The following ITGB8 variants were observed in gnomAD, a reference collection of about 807,000 sequenced individuals.
The protein encoded by ITGB8 is integrin beta-8.
Under a neutral mutation model 89.5 loss-of-function variants are expected in ITGB8, and 30 were observed. The ratio of observed to expected loss-of-function variants is 0.34; its 90% CI spans 0.25 to 0.45. The LOEUF is 0.45. Ranked by LOEUF, ITGB8 falls within the 20% of genes least tolerant of loss-of-function variation. The pLI, the probability that ITGB8 is intolerant of heterozygous loss-of-function variation, is 1.00. For synonymous variants in ITGB8, 335 were observed against 320.4 expected, an observed-to-expected ratio of 1.05 and a Z score of -0.49; for missense variants, 836 against 933.3, an observed-to-expected ratio of 0.90 and a Z score of 1.36.
intron 1 of ITGB8, among the ~76,000 whole-genome samples, chr7:20,353,931 CAAAAAAA>C (rs1158594685): frequency 0.011 from 588 of 55,698 alleles, 14 homozygotes; most frequent in African/African-American, 0.044. Flanking sequence ...GACTCCGTCT[CAAAAAAA>C]AAAAAAAAAA....
chr7:20,379,055 C>T lies in ITGB8; in HGVS notation c.393C>T (p.Ala131=), dbSNP rs3735619. The change falls in exon 4 of 14, where the codon GCC becomes GCT. Residue 131 remains alanine (A), a synonymous_variant. Transcript: ENST00000222573. ...GEVSIQLRPG[A]EANFMLKVHP... ...GTTTTTCTTCTATTGAACTAGGAGC[C>T]GAAGCTAATTTTATGCTGAAAGTTC... is the stretch of plus-strand genomic sequence containing the variant. 170,037 of 1,579,178 alleles carry T rather than the reference C, an allele frequency of 0.11. 11,351 individuals are homozygous for T. The highest frequency in any genetic ancestry group is 0.39 in the East Asian group (17,125 of 44,096).
intron 1 of ITGB8, among the ~76,000 whole-genome samples, chr7:20,355,768 G>T (rs1211976107): frequency 6.6e-6 from 1 of 152,174 alleles, no homozygotes; most frequent in Non-Finnish European, 1.5e-5. Context: ...GCCTAGGCTG[G>T]GCGACACTGC....
intron 3 of ITGB8, among the ~76,000 whole-genome samples, chr7:20,371,475 T>C (rs996087447): frequency 1.3e-5 from 2 of 152,266 alleles, no homozygotes; most frequent in South Asian, 2.1e-4. Flanking sequence ...AAATGATCAA[T>C]TGTGTGATTA....
chr7:20,405,336 T>G (rs949708505), intron 11 of ITGB8, among the ~76,000 whole-genome samples: 4 of 150,124 alleles, frequency 2.7e-5, no homozygotes, highest in African/African-American at 9.7e-5. Context: ...TATTTTTTTT[T>G]TGTGACAGAG....
chr7:20,346,912 C>G, intron 1 of ITGB8: 1 of 925,784 alleles, frequency 1.1e-6, no homozygotes, highest in South Asian at 5.0e-5. Context: ...GTTTTTGCTT[C>G]TCCAAAATTC....
At chr7:20,361,387 C>G (rs993604475) in intron 1 of ITGB8, among the ~76,000 whole-genome samples, 6 of 152,176 alleles carry the variant, frequency 3.9e-5, no homozygotes, top group African/African-American at 1.4e-4. Flanking sequence ...AATTTACAAA[C>G]AATACAAATT....
chr7:20,338,791 T>C (rs1784657967), intron 1 of ITGB8, among the ~76,000 whole-genome samples: 1 of 152,230 alleles, frequency 6.6e-6, no homozygotes, highest in Non-Finnish European at 1.5e-5. Flanking sequence ...CTTTGAGATG[T>C]GTACAGATTA....
intron 6 of ITGB8, among the ~76,000 whole-genome samples, chr7:20,386,710 A>G (rs1346995405): frequency 6.6e-6 from 1 of 152,176 alleles, no homozygotes; most frequent in East Asian, 1.9e-4. Flanking sequence ...CACCTGTGCC[A>G]GACTCAAAGT....
chr7:20,414,366 T>C lies in ITGB8; in HGVS notation c.*4369T>C. 1 of 152,294 alleles carries C rather than the reference T, an allele frequency of 6.6e-6. No individual in the cohort carries two copies. Among genetic ancestry groups the C allele is most frequent in the East Asian group, 1.9e-4 (1 of 5,202 alleles). 9.4% of individuals were successfully genotyped at this position (152,294 alleles called of 1,614,324 possible). On this transcript the variant is annotated 3_prime_UTR_variant, in exon 14 of 14. Coordinates refer to ENST00000222573, the MANE Select transcript of ITGB8 (RefSeq NM_002214.3). Reference sequence around the variant, plus strand: ...CATTTATACTTTACGTGAGTGCGAATGATTTCAGCAAACCCTAACTTAACT... The same window carrying C: ...CATTTATACTTTACGTGAGTGCGAACGATTTCAGCAAACCCTAACTTAACT...
chr7:20,397,450 T>G (rs1787132593), intron 8 of ITGB8, among the ~76,000 whole-genome samples: 1 of 152,232 alleles, frequency 6.6e-6, no homozygotes, highest in African/African-American at 2.4e-5. Flanking sequence ...GGTCTGGAAC[T>G]GCTGATCTCA....
chr7:20,413,904 C>T lies in ITGB8; in HGVS notation c.*3907C>T, dbSNP rs914352150. On this transcript the variant is annotated 3_prime_UTR_variant, in exon 14 of 14. Coordinates refer to ENST00000222573, the MANE Select transcript of ITGB8 (RefSeq NM_002214.3). ...CTTATTTATATTGACCTCAAGAACT[C>T]CATTTTATGCAATGCAGACCACTGA... 1.4e-4 allele frequency: 21 copies of T among 151,964 alleles called. No homozygotes were observed. Among genetic ancestry groups the T allele is most frequent in the African/African-American group, 5.1e-4 (21 of 41,490 alleles). 9.4% of individuals were successfully genotyped at this position (151,964 alleles called of 1,614,324 possible).
intron 1 of ITGB8, among the ~76,000 whole-genome samples, chr7:20,345,132 G>A (rs911324123): frequency 2.0e-5 from 3 of 152,140 alleles, no homozygotes; most frequent in African/African-American, 7.2e-5. Context: ...AGAAGGTGCT[G>A]AGCCAATTCC....
At chr7:20,349,567 A>G (rs1204403658) in intron 1 of ITGB8, among the ~76,000 whole-genome samples, 1 of 149,878 alleles carries the variant, frequency 6.7e-6, no homozygotes, top group African/African-American at 2.5e-5. Context: ...AACAAGTTCA[A>G]TCCATACAAA....
chr7:20,407,272 A>T (rs1787583509), intron 12 of ITGB8, among the ~76,000 whole-genome samples: 1 of 134,850 alleles, frequency 7.4e-6, no homozygotes, highest in South Asian at 2.2e-4. Flanking sequence ...TAAAAAACTG[A>T]ATCGCAAACT....
At chr7:20,391,218 C>T (rs1263343109) in intron 6 of ITGB8, among the ~76,000 whole-genome samples, 185 bp from the exon 7 acceptor site, 1 of 151,818 alleles carries the variant, frequency 6.6e-6, no homozygotes, top group Non-Finnish European at 1.5e-5. Context: ...GGACTTTTGT[C>T]TATAAAATAT....
Position 20,349,866 on chromosome 7 carries a change from T to C in ITGB8, c.128-13771T>C, listed in dbSNP as rs560206164. ...TACAGTGCTAACTGGAAATAAACTT[T>C]ATCGATATAATGTACATCAATAAAC... is the stretch of plus-strand genomic sequence containing the variant. On this transcript the variant is annotated intron_variant, in intron 1 of 13. Transcript: ENST00000222573. Among the ~76,000 whole-genome samples, 19 of 152,340 alleles carry C rather than the reference T, an allele frequency of 1.2e-4. No individual in the cohort carries two copies. In the East Asian group the frequency reaches 2.7e-3, roughly 22 times the overall value.
At chr7:20,331,994 A>G in intron 1 of ITGB8, 61 bp downstream of exon 1, 1 of 1,576,366 alleles carries the variant, frequency 6.3e-7, no homozygotes, top group Non-Finnish European at 8.6e-7. Flanking sequence ...GCTGGCACGA[A>G]GAGCTGCCCG....
intron 1 of ITGB8, among the ~76,000 whole-genome samples, chr7:20,353,784 T>A (rs1375283576): frequency 1.3e-5 from 2 of 150,198 alleles, no homozygotes; most frequent in African/African-American, 2.5e-5. Flanking sequence ...ATACAAAAAT[T>A]AGCCAGGCGT....
At position 20,379,236 on chromosome 7, in the gene ITGB8, G is replaced by A; in HGVS notation, c.574G>A (p.Val192Ile). Reference protein sequence around the residue: ...RDFRLGFGSYVDKTVSPYISI... With the variant: ...RDFRLGFGSYIDKTVSPYISI... ...CTTTCGTCTTGGATTTGGCTCATACGTTGATAAAACAGTTTCACCATACAT... is the reference window on the plus strand; with the variant it reads ...CTTTCGTCTTGGATTTGGCTCATACATTGATAAAACAGTTTCACCATACAT... Residue 192 changes from valine to isoleucine, a missense_variant, in exon 4 of 14, where the codon GTT (valine) becomes ATT (isoleucine). Val to Ile is a conservative substitution (Grantham distance 29). This residue lies in a region of ITGB8 where 2 missense variants were observed against 20.1 expected (regional missense o/e 0.10). Coordinates refer to ENST00000222573, the MANE Select transcript of ITGB8 (RefSeq NM_002214.3). The A allele has an allele frequency of 1.9e-6, 3 of 1,610,740 alleles. No homozygotes were observed. Among genetic ancestry groups the A allele is most frequent in the South Asian group, 1.1e-5 (1 of 90,752 alleles).
Sources: allele counts gnomAD v4.1 joint callset (sites outside exome capture counted in the v4.1 genomes callset), GRCh38; gene constraint gnomAD v4.1.1; regional missense constraint gnomAD v4.1.1; transcripts MANE v1.5; gene names NCBI Gene and HGNC (gene_info 2026-07-23, HGNC 2026-07-21).